The following CFAP74 variants were observed in gnomAD, a reference collection of about 807,000 sequenced individuals.
CFAP74 encodes the protein cilia and flagella associated protein 74, also known as cilia- and flagella-associated protein 74.
CFAP74 carries 124 observed loss-of-function variants against 188.9 expected under a neutral mutation model. That is an observed-to-expected ratio of 0.66 (90% CI 0.57 to 0.76). The LOEUF (loss-of-function observed/expected upper bound fraction) is 0.76, where lower values mean the gene tolerates loss of function less well. Ranked by LOEUF, CFAP74 falls within the 30% of genes least tolerant of loss-of-function variation. The pLI is 0.00. For synonymous variants in CFAP74, 956 were observed against 916.7 expected, an observed-to-expected ratio of 1.04 and a Z score of -0.77; for missense variants, 2,198 against 2,165.2, an observed-to-expected ratio of 1.02 and a Z score of -0.30.
chr1:1,947,301 G>A (rs1210471977), intron 18 of CFAP74, among the ~76,000 whole-genome samples: 1 of 152,244 alleles, frequency 6.6e-6, no homozygotes, highest in African/African-American at 2.4e-5. Flanking sequence ...CGACCTGTTG[G>A]CCCAGGGCGA....
At chr1:1,982,607 A>C (rs1265413674) in intron 6 of CFAP74, among the ~76,000 whole-genome samples, 1 of 152,262 alleles carries the variant, frequency 6.6e-6, no homozygotes, top group African/African-American at 2.4e-5. Flanking sequence ...GGAACGTTCC[A>C]GATGCTTTGT....
chr1:1,922,469 C>G, intron 38 of CFAP74, 81 bp from the exon 39 acceptor site: 1 of 1,538,066 alleles, frequency 6.5e-7, no homozygotes, highest in Non-Finnish European at 8.8e-7. Flanking sequence ...ACTGCCCTGC[C>G]CACCTGACTC....
At chr1:1,936,685 C>T (rs1652920691) in intron 25 of CFAP74, among the ~76,000 whole-genome samples, 1 of 152,182 alleles carries the variant, frequency 6.6e-6, no homozygotes, top group Non-Finnish European at 1.5e-5. Flanking sequence ...GGGAGGATCG[C>T]TTGAGGCTAT....
rs139399150 is a variant in CFAP74 at position 1,995,349 on chromosome 1, G to A, written c.-19-4374C>T. ...TCTACTAAAAATACAAAAATTAGCC[G>A]GGCGTGATGGCGCATCCCTGTAATC... On this transcript the variant is annotated intron_variant, in intron 1 of 38. Transcript: ENST00000682832. 3.3e-3 allele frequency among the ~76,000 whole-genome samples: 502 copies of A among 151,870 alleles called. 2 individuals carry two copies. The highest frequency in any genetic ancestry group is 0.011 in the African/African-American group (473 of 41,392).
rs549919649 is a variant in CFAP74 at position 1,993,842 on chromosome 1, C to T, written c.-19-2867G>A. 1.1e-3 allele frequency among the ~76,000 whole-genome samples: 173 copies of T among 150,786 alleles called. 1 individual carries two copies. Among genetic ancestry groups the T allele is most frequent in the Middle Eastern group, 3.4e-3 (1 of 294 alleles). On this transcript the variant is annotated intron_variant, in intron 1 of 38. Coordinates refer to ENST00000682832, the MANE Select transcript of CFAP74 (RefSeq NM_001304360.2). ...CTAAAAATACAAAAAATTAGCCGGG[C>T]GTGGTGGCGGGCGCCTATAGTCCCA...
intron 1 of CFAP74, among the ~76,000 whole-genome samples, chr1:2,001,336 T>G (rs1343723354): frequency 3.4e-5 from 5 of 149,190 alleles, no homozygotes; most frequent in African/African-American, 9.9e-5. Context: ...TTCATTTTGT[T>G]TTTTTTTTTT....
chr1:1,930,313 G>A lies in CFAP74; in HGVS notation c.3035C>T (p.Ala1012Val), dbSNP rs987490142. ...INRCFKLSCR[A>V]VGVHPPLELS... ...CTCCAGGGGTGGGTGGACGCCTACA[G>A]CCCGGCAAGACAGCTTGAAGCACCT... Residue 1012 changes from alanine to valine, a missense_variant, in exon 26 of 39, where the codon GCT (alanine) becomes GTT (valine). By Grantham distance (64) the Ala-to-Val change is moderately conservative. Transcript: ENST00000682832. The A allele has an allele frequency of 2.6e-6, 4 of 1,529,014 alleles. No homozygotes were observed. Among genetic ancestry groups the A allele is most frequent in the Non-Finnish European group, 3.5e-6 (4 of 1,141,326 alleles). 94.7% of individuals were successfully genotyped at this position (1,529,014 alleles called of 1,614,324 possible).
At chr1:1,984,601 T>C (rs13302998) in intron 6 of CFAP74, 47,637 of 151,886 alleles carry the variant, frequency 0.31, 7,550 homozygotes, top group Non-Finnish European at 0.34. Context: ...ACAGCGAGCG[T>C]GGGTCAGAGA....
chr1:1,956,501 G>T, intron 17 of CFAP74, 119 bp downstream of exon 17: 1 of 1,242,184 alleles, frequency 8.1e-7, no homozygotes, highest in Non-Finnish European at 1.1e-6. Context: ...CCCCCACACT[G>T]CCCTCCTTCT....
At chr1:1,956,928 C>A in intron 16 of CFAP74, 144 bp from the exon 17 acceptor site, 1 of 847,210 alleles carries the variant, frequency 1.2e-6, no homozygotes, top group Admixed American at 2.6e-5. Context: ...ACGATTCAAC[C>A]CAGAAATCAG....
Position 1,926,875 on chromosome 1 carries a change from T to C in CFAP74, c.3662+19A>G. The C allele has an allele frequency of 1.9e-6, 3 of 1,549,906 alleles. No homozygotes were observed. Among genetic ancestry groups the C allele is most frequent in the Non-Finnish European group, 2.6e-6 (3 of 1,146,712 alleles). On this transcript the variant is annotated intron_variant, in intron 29 of 38. Transcript: ENST00000682832. The stretch of plus-strand genomic sequence containing the variant: ...GTTTGCGGCTGACCACACCCTGTTC[T>C]GGCCAGAGCACCCCGCACCTGAAGC...
intron 18 of CFAP74, among the ~76,000 whole-genome samples, chr1:1,947,641 G>A (rs184748191): frequency 3.3e-5 from 5 of 152,314 alleles, no homozygotes; most frequent in African/African-American, 1.2e-4. Context: ...AATTCGAGAG[G>A]CCACGCGCAG....
chr1:1,963,739 G>T lies in CFAP74; in HGVS notation c.1694+10C>A. 3 of 1,584,626 alleles carry T rather than the reference G, an allele frequency of 1.9e-6. No homozygotes were observed. The highest frequency in any genetic ancestry group is 2.6e-6 in the Non-Finnish European group (3 of 1,154,264). On this transcript the variant is annotated intron_variant, in intron 14 of 38. Coordinates refer to ENST00000682832, the MANE Select transcript of CFAP74 (RefSeq NM_001304360.2). The stretch of plus-strand genomic sequence containing the variant: ...CACCGCGTCCCTCCCTGTCTGAGCC[G>T]TCCTCTTACTCAACGTGGATGAAGT...
chr1:1,962,937 G>C (rs551815581), intron 14 of CFAP74, among the ~76,000 whole-genome samples: 1 of 152,238 alleles, frequency 6.6e-6, no homozygotes, highest in African/African-American at 2.4e-5. Context: ...GCAACCAGAA[G>C]GAAAACATCA....
intron 20 of CFAP74, 82 bp from the exon 21 acceptor site, chr1:1,944,534 G>A: frequency 7.0e-7 from 1 of 1,430,370 alleles, no homozygotes; most frequent in Non-Finnish European, 9.5e-7. Flanking sequence ...ACAGCTCCCA[G>A]GAGGAACGTT....
chr1:1,930,425 G>T (rs955175844), intron 25 of CFAP74, 89 bp from the exon 26 acceptor site: 11 of 1,306,304 alleles, frequency 8.4e-6, no homozygotes, highest in Non-Finnish European at 1.1e-5. Flanking sequence ...TGGAGGACAA[G>T]CCCCGGGGGG....
intron 25 of CFAP74, among the ~76,000 whole-genome samples, chr1:1,934,063 G>A (rs1652623188): frequency 6.6e-6 from 1 of 152,216 alleles, no homozygotes; most frequent in Admixed American, 6.5e-5. Context: ...ACCAGCAGCA[G>A]GGGTCTGAGG....
intron 28 of CFAP74, 196 bp from the exon 29 acceptor site, chr1:1,927,224 C>T: frequency 4.6e-6 from 3 of 646,190 alleles, no homozygotes; most frequent in Non-Finnish European, 7.9e-6. Context: ...TTCAGGTCCT[C>T]GTCAGCTGGT....
At chr1:1,993,845 G>C (rs560861001) in intron 1 of CFAP74, among the ~76,000 whole-genome samples, 2 of 151,036 alleles carry the variant, frequency 1.3e-5, no homozygotes, top group African/African-American at 4.9e-5. Flanking sequence ...AGCCGGGCGT[G>C]GTGGCGGGCG....
Sources: gnomAD v4.1 joint callset for allele counts (sites outside exome capture counted in the v4.1 genomes callset) on GRCh38, gnomAD v4.1.1 for gene constraint, MANE v1.5 for transcripts, NCBI Gene and HGNC (gene_info 2026-07-23, HGNC 2026-07-21) for gene names.